FAM107B: variants seen among roughly 807,000 people sequenced by gnomAD.
FAM107B encodes family with sequence similarity 107 member B.
FAM107B carries 21 observed loss-of-function variants against 31.5 expected under a neutral mutation model. The observed-to-expected ratio is 0.67, with a 90% CI of 0.47 to 0.96. FAM107B has a LOEUF of 0.96. FAM107B is among the 40% of genes least tolerant of loss of function. The pLI is 0.00. For missense variants in FAM107B, 452 were observed against 377.1 expected, an observed-to-expected ratio of 1.20 and a Z score of -1.64; for synonymous variants, 157 against 141.5, an observed-to-expected ratio of 1.11 and a Z score of -0.78.
chr10:14,758,593 T>C (rs1240379630), intron 1 of FAM107B, among the ~76,000 whole-genome samples: 2 of 152,100 alleles, frequency 1.3e-5, no homozygotes, highest in Non-Finnish European at 2.9e-5. Context: ...CCTGACAGCC[T>C]CTGCACTGGG....
At chr10:14,590,983 CCATCTCAA>C (rs1564590258) in intron 2 of FAM107B, among the ~76,000 whole-genome samples, 8 of 86,236 alleles carry the variant, frequency 9.3e-5, no homozygotes, top group South Asian at 4.4e-4. Context: ...GAGCAAAACT[CCATCTCAA>C]AAAAAAAAAA....
rs566378646 is a variant in FAM107B at position 14,720,470 on chromosome 10, T to A, written c.412-52779A>T. ...GGTTTTACCATGTTGGCCAGGCTGG[T>A]CTCGAACTCCTGACCTCAGGTTATC... On this transcript the variant is annotated intron_variant, in intron 1 of 4. Coordinates refer to ENST00000181796, the MANE Select transcript of FAM107B (RefSeq NM_031453.4). Among the ~76,000 whole-genome samples, 7 of 152,308 alleles carry A rather than the reference T, an allele frequency of 4.6e-5. 1 individual carries two copies. Among genetic ancestry groups the A allele is most frequent in the African/African-American group, 1.7e-4 (7 of 41,576 alleles).
intron 1 of FAM107B, among the ~76,000 whole-genome samples, chr10:14,728,303 T>G (rs1480755932): frequency 6.6e-6 from 1 of 152,056 alleles, no homozygotes; most frequent in East Asian, 1.9e-4. Flanking sequence ...TTCTCCCATT[T>G]TGATTATTTC....
At chr10:14,599,030 C>T (rs1296375793) in intron 2 of FAM107B, among the ~76,000 whole-genome samples, 1 of 152,198 alleles carries the variant, frequency 6.6e-6, no homozygotes, top group Non-Finnish European at 1.5e-5. Flanking sequence ...GGGCTGTCAC[C>T]TGGAGATGTT....
At chr10:14,685,500 G>A (rs1262262230) in intron 1 of FAM107B, among the ~76,000 whole-genome samples, 2 of 152,058 alleles carry the variant, frequency 1.3e-5, no homozygotes, top group South Asian at 4.2e-4. Context: ...AGTTTTCAAG[G>A]AAGAATTTAA....
In FAM107B at chr10:14,711,924, G is replaced by A. The variant is rs547433026; in HGVS notation, c.412-44233C>T. ...CTCCCAAAGTGCTGGGATTACAGGT[G>A]TGCGCCACCGCGCCCGGCCTCAAGA... On this transcript the variant is annotated intron_variant, in intron 1 of 4. Transcript: ENST00000181796. 2.6e-5 allele frequency among the ~76,000 whole-genome samples: 4 copies of A among 152,328 alleles called. No individual in the cohort carries two copies. The South Asian group carries it at 8.3e-4, about 32-fold the overall frequency.
In FAM107B at chr10:14,774,478, T is replaced by G; in HGVS notation, c.186A>C (p.Arg62Ser). The change falls in exon 1 of 5, where the codon AGA becomes AGC. Residue 62 changes from arginine (R) to serine (S), a missense_variant. Arg to Ser is a moderately radical substitution (Grantham distance 110, BLOSUM62 -1). Transcript: ENST00000181796. Reference sequence around the variant, plus strand: ...CTTCTGCGCTTGGGTGTCTTGGCTGTCTGCCTGCTTTGGCCACAGGCTGCA... The same window carrying G: ...CTTCTGCGCTTGGGTGTCTTGGCTGGCTGCCTGCTTTGGCCACAGGCTGCA... ...VRVQPVAKAG[R>S]QPRHPSAEGA... 6.2e-7 allele frequency: 1 copy of G among 1,614,212 alleles called. No individual in the cohort carries two copies. Among genetic ancestry groups the G allele is most frequent in the Non-Finnish European group, 8.5e-7 (1 of 1,180,032 alleles).
At position 14,520,721 on chromosome 10, in the gene FAM107B, G is replaced by C. The variant is rs1283839398; in HGVS notation, c.*469C>G. ...CAATTCTGGGTCCTCAAAATTTACA[G>C]TGAGTGAACAGATTAAACGCATTTC... is the stretch of plus-strand genomic sequence containing the variant. On this transcript the variant is annotated 3_prime_UTR_variant, in exon 5 of 5. Coordinates refer to ENST00000181796, the MANE Select transcript of FAM107B (RefSeq NM_031453.4). 6.5e-6 allele frequency: 1 copy of C among 152,732 alleles called. No individual in the cohort carries two copies. Among genetic ancestry groups the C allele is most frequent in the Non-Finnish European group, 1.5e-5 (1 of 68,452 alleles). 9.5% of individuals were successfully genotyped at this position (152,732 alleles called of 1,614,324 possible). A position where few individuals can be genotyped will look rare whatever the true frequency, so the allele number is the denominator to read the frequency against.
rs71505032 is a variant in FAM107B at position 14,626,499 on chromosome 10, C to CTTTTTTTTTTTTTTTT, written c.469+41134_469+41135insAAAAAAAAAAAAAAAA. Reference sequence around the variant, plus strand: ...ACAAACTGTGGAATTTGAGGCGGATCTTTTTTTTCTTTTTTTTTTTTTGAG... The same window carrying CTTTTTTTTTTTTTTTT: ...ACAAACTGTGGAATTTGAGGCGGATCTTTTTTTTTTTTTTTTTTTTTTTTCTTTTTTTTTTTTTGAG... On this transcript the variant is annotated intron_variant, in intron 2 of 4. Transcript: ENST00000181796. Among the ~76,000 whole-genome samples the CTTTTTTTTTTTTTTTT allele has an allele frequency of 2.8e-5, 3 of 109,042 alleles. 1 individual carries two copies. The highest frequency in any genetic ancestry group is 3.6e-5 in the Non-Finnish European group (2 of 55,886). 71.5% of individuals were successfully genotyped at this position (109,042 alleles called of 152,430 possible).
chr10:14,672,184 G>A (rs1854576304), intron 1 of FAM107B, among the ~76,000 whole-genome samples: 2 of 151,834 alleles, frequency 1.3e-5, no homozygotes, highest in African/African-American at 4.8e-5. Flanking sequence ...CACCTTCCAG[G>A]TTCAAGCGAT....
chr10:14,666,489 T>C (rs369472980), intron 2 of FAM107B, among the ~76,000 whole-genome samples: 25 of 151,932 alleles, frequency 1.6e-4, no homozygotes, highest in African/African-American at 6.0e-4. Context: ...CCACAACACA[T>C]GGGGATTATG....
chr10:14,762,754 T>C, intron 1 of FAM107B, among the ~76,000 whole-genome samples: 1 of 116,238 alleles, frequency 8.6e-6, no homozygotes, highest in Admixed American at 8.3e-5. Flanking sequence ...AAACTCTGTC[T>C]CACACACACA....
intron 1 of FAM107B, among the ~76,000 whole-genome samples, chr10:14,721,242 T>A (rs973735683): frequency 1.1e-4 from 17 of 152,206 alleles, no homozygotes; most frequent in Non-Finnish European, 1.8e-4. Context: ...ATCCAGTCTA[T>A]CATTGATGGA....
chr10:14,584,334 A>C (rs934751021), intron 2 of FAM107B, among the ~76,000 whole-genome samples: 22 of 152,196 alleles, frequency 1.4e-4, no homozygotes, highest in African/African-American at 5.1e-4. Context: ...GCAGTGTATA[A>C]CCAAGTGACC....
intron 2 of FAM107B, among the ~76,000 whole-genome samples, chr10:14,566,100 C>A (rs1056492761): frequency 1.2e-4 from 19 of 152,168 alleles, no homozygotes; most frequent in African/African-American, 4.3e-4. Context: ...AACAAAGAAC[C>A]CTGTATTTTC....
intron 2 of FAM107B, among the ~76,000 whole-genome samples, chr10:14,621,807 G>A (rs1380759978): frequency 6.6e-6 from 1 of 151,102 alleles, no homozygotes; most frequent in African/African-American, 2.5e-5. Flanking sequence ...GTTAGCTGCT[G>A]AAAGCGGAGT....
chr10:14,610,898 C>T (rs1359024431), intron 2 of FAM107B, among the ~76,000 whole-genome samples: 1 of 152,172 alleles, frequency 6.6e-6, no homozygotes, highest in African/African-American at 2.4e-5. Flanking sequence ...ATTTTCCAAA[C>T]ATTTAATATA....
At chr10:14,677,766 G>T (rs1854726102) in intron 1 of FAM107B, among the ~76,000 whole-genome samples, 1 of 152,334 alleles carries the variant, frequency 6.6e-6, no homozygotes, top group East Asian at 1.9e-4. Flanking sequence ...GACTTTCAGA[G>T]CTAAAACCAG....
chr10:14,649,838 TTA>T (rs1853855066), intron 2 of FAM107B, among the ~76,000 whole-genome samples: 1 of 152,238 alleles, frequency 6.6e-6, no homozygotes, highest in African/African-American at 2.4e-5. Flanking sequence ...TTCAAATTTT[TTA>T]TAGAGTTTGA....
Sources: allele counts gnomAD v4.1 joint callset (sites outside exome capture counted in the v4.1 genomes callset), GRCh38; gene constraint gnomAD v4.1.1; transcripts MANE v1.5; gene names NCBI Gene and HGNC (gene_info 2026-07-23, HGNC 2026-07-21).